Variants in COMMD1 observed in about 807,000 individuals in gnomAD.
COMMD1 encodes copper metabolism domain containing 1.
In COMMD1, 10 loss-of-function variants were observed where a neutral mutation model predicts 17.2. The ratio of observed to expected loss-of-function variants is 0.58; its 90% confidence interval spans 0.36 to 0.99. The LOEUF (loss-of-function observed/expected upper bound fraction) is 0.99, where lower values mean the gene tolerates loss of function less well. Among genes scored for constraint, COMMD1 ranks in the 50% least tolerant of loss-of-function variants. The pLI is 0.01. For synonymous variants in COMMD1, 97 were observed against 91.6 expected (o/e 1.06, Z -0.34); for missense variants, 270 against 231.8 (o/e 1.17, Z -1.07).
chr2:62,037,535 G>A (rs1043106081), intron 2 of COMMD1, among the ~76,000 whole-genome samples: 1 of 152,134 alleles, frequency 6.6e-6, no homozygotes, highest in African/African-American at 2.4e-5. Context: ...CATTTTACTG[G>A]TTATTAGTCT....
intron 2 of COMMD1, among the ~76,000 whole-genome samples, chr2:62,023,987 C>T (rs748383280): frequency 6.6e-6 from 1 of 151,960 alleles, no homozygotes; most frequent in Non-Finnish European, 1.5e-5. Flanking sequence ...GAAGTAAAAG[C>T]AAGATACAGA....
upstream of COMMD1, chr2:61,888,671 C>T (rs1008662510): frequency 8.8e-6 from 7 of 792,770 alleles, no homozygotes; most frequent in African/African-American, 8.9e-5. Flanking sequence ...CCTTCCTTGC[C>T]GCGCGGCGCT....
At chr2:62,105,541 GGGCTGGGT>G (rs1310089029) in intron 2 of COMMD1, among the ~76,000 whole-genome samples, 1 of 152,096 alleles carries the variant, frequency 6.6e-6, no homozygotes, top group Admixed American at 6.5e-5. Flanking sequence ...TGACCAGATT[GGGCTGGGT>G]GCGGTGGCTC....
intron 1 of COMMD1, among the ~76,000 whole-genome samples, chr2:61,958,476 A>G (rs1392362501): frequency 6.6e-6 from 1 of 152,130 alleles, no homozygotes; most frequent in Non-Finnish European, 1.5e-5. Context: ...CGTATTGGCC[A>G]GGCTGCTCTT....
rs533322882 is a variant in COMMD1 at position 62,006,353 on chromosome 2, T to TA, written c.462+5382dup. The stretch of plus-strand genomic sequence containing the variant: ...CTAAAACTTAAAGTATAATAATAAT[T>TA]AAAAAAAAAAAGAAAATTGGAAGCC... On this transcript the variant is annotated intron_variant, in intron 2 of 2. Transcript: ENST00000311832. 1.6e-3 allele frequency among the ~76,000 whole-genome samples: 231 copies of TA among 143,684 alleles called. 1 individual carries two copies. Among genetic ancestry groups the TA allele is most frequent in the Middle Eastern group, 3.6e-3 (1 of 278 alleles). The allele number at this position is 143,684 out of a possible 152,430, so 94.3% of individuals were successfully genotyped here. A position where few individuals can be genotyped will look rare whatever the true frequency, so the allele number is the denominator to read the frequency against.
At chr2:62,072,732 C>T (rs969496844) in intron 2 of COMMD1, among the ~76,000 whole-genome samples, 1 of 152,220 alleles carries the variant, frequency 6.6e-6, no homozygotes, top group Non-Finnish European at 1.5e-5. Context: ...TCGGGCACCA[C>T]CGCATTCCCC....
At chr2:62,055,041 G>A (rs1670652472) in intron 2 of COMMD1, among the ~76,000 whole-genome samples, 1 of 152,180 alleles carries the variant, frequency 6.6e-6, no homozygotes. Context: ...CATTGGCAGA[G>A]AAGTTTGCAC....
intron 2 of COMMD1, among the ~76,000 whole-genome samples, chr2:62,057,709 A>T (rs1007838231): frequency 1.3e-5 from 2 of 151,570 alleles, no homozygotes; most frequent in African/African-American, 4.8e-5. Context: ...AGCTGGGATT[A>T]CAGGCATGCA....
At chr2:62,108,729 T>TA (rs1240469175) in intron 2 of COMMD1, among the ~76,000 whole-genome samples, 2 of 152,026 alleles carry the variant, frequency 1.3e-5, no homozygotes, top group Non-Finnish European at 2.9e-5. Flanking sequence ...TGCCTTCAGT[T>TA]AAAAAAAATC....
At chr2:61,973,659 T>C (rs1671710742) in intron 1 of COMMD1, among the ~76,000 whole-genome samples, 2 of 152,228 alleles carry the variant, frequency 1.3e-5, no homozygotes, top group African/African-American at 4.8e-5. Flanking sequence ...ATGTCAGTAG[T>C]ATGTCAGTAT....
intron 2 of COMMD1, among the ~76,000 whole-genome samples, chr2:62,063,973 G>T (rs1267677421): frequency 6.8e-6 from 1 of 146,370 alleles, no homozygotes; most frequent in Non-Finnish European, 1.5e-5. Flanking sequence ...TTTGAACCTG[G>T]GAGGTTGAGG....
intron 2 of COMMD1, among the ~76,000 whole-genome samples, chr2:62,103,426 C>T (rs142176467): frequency 1.8e-3 from 275 of 152,290 alleles, no homozygotes; most frequent in African/African-American, 5.8e-3. Flanking sequence ...TAATCTGCCC[C>T]ATGTCAGTGA....
chr2:61,910,061 A>T (rs1252599137), intron 1 of COMMD1, among the ~76,000 whole-genome samples: 7 of 152,130 alleles, frequency 4.6e-5, no homozygotes. Context: ...CAAAAGGACA[A>T]ACCTTTCACC....
intron 2 of COMMD1, among the ~76,000 whole-genome samples, chr2:62,036,899 CTTG>C (rs1021762718): frequency 2.6e-5 from 4 of 152,116 alleles, no homozygotes; most frequent in African/African-American, 7.2e-5. Context: ...ATACTTTCTT[CTTG>C]TTGTTTTACG....
intron 1 of COMMD1, among the ~76,000 whole-genome samples, chr2:61,939,097 T>G (rs1179447900): frequency 1.3e-5 from 2 of 152,140 alleles, no homozygotes; most frequent in African/African-American, 4.8e-5. Flanking sequence ...GATCAATTTG[T>G]ATGCAAATTA....
chr2:62,072,399 T>G (rs1671221313), intron 2 of COMMD1, among the ~76,000 whole-genome samples: 1 of 152,156 alleles, frequency 6.6e-6, no homozygotes, highest in South Asian at 2.1e-4. Context: ...AACCCTGGAC[T>G]CAGCCACACA....
rs557976857 is a variant in COMMD1 at position 61,941,729 on chromosome 2, C to G, written c.180+35871C>G. ...GATTGTTTAATAGTGAGCTTTGGGT[C>G]CTGCATTAACCCAAACAAGCTCTTT... On this transcript the variant is annotated intron_variant, in intron 1 of 2. Coordinates refer to ENST00000311832, the MANE Select transcript of COMMD1 (RefSeq NM_152516.4). Among the ~76,000 whole-genome samples the G allele has an allele frequency of 1.9e-3, 291 of 152,202 alleles. 1 individual carries two copies. The highest frequency in any genetic ancestry group is 6.6e-3 in the African/African-American group (276 of 41,526).
intron 2 of COMMD1, chr2:62,069,406 A>C (rs1325130150): frequency 6.6e-6 from 1 of 152,222 alleles, no homozygotes; most frequent in African/African-American, 2.4e-5. Context: ...AGGCAAAGTA[A>C]GTTAACAATC....
intron 2 of COMMD1, among the ~76,000 whole-genome samples, chr2:62,121,474 C>T (rs751995377): frequency 8.0e-5 from 12 of 149,200 alleles, no homozygotes; most frequent in African/African-American, 2.5e-4. Flanking sequence ...CGTGTTGCCT[C>T]ATACCTGTAA....
Sources: allele counts gnomAD v4.1 joint callset (sites outside exome capture counted in the v4.1 genomes callset), GRCh38; gene constraint gnomAD v4.1.1; transcripts MANE v1.5; gene names NCBI Gene and HGNC (gene_info 2026-07-23, HGNC 2026-07-21).